The following NME5 variants were observed in gnomAD, a reference collection of about 807,000 sequenced individuals.
The protein encoded by NME5 is NME/NM23 family member 5, also known as nucleoside diphosphate kinase 5.
In NME5, 18 loss-of-function variants were observed where a neutral mutation model predicts 21.6. The observed-to-expected ratio is 0.83, with a 90% CI of 0.58 to 1.24. The LOEUF (loss-of-function observed/expected upper bound fraction) is 1.24. NME5 is among the 50% of genes most tolerant of loss of function. The pLI, the probability that NME5 is intolerant of heterozygous loss-of-function variation, is 0.00. For synonymous variants in NME5, 70 were observed against 80.6 expected (o/e 0.87, Z 0.71); for missense variants, 223 against 255.4 (o/e 0.87, Z 0.86).
At chr5:138,126,809 G>A (rs766115452) in intron 4 of NME5, among the ~76,000 whole-genome samples, 4 of 151,872 alleles carry the variant, frequency 2.6e-5, no homozygotes, top group African/African-American at 7.3e-5. Flanking sequence ...TTAGCCGGGC[G>A]TGGTGATATG....
intron 4 of NME5, 21 bp from the exon 5 acceptor site, chr5:138,118,957 T>C: frequency 1.5e-6 from 2 of 1,296,930 alleles, no homozygotes; most frequent in Non-Finnish European, 1.1e-6. Context: ...AAATGTATTC[T>C]CATTGATGCA....
In NME5 at chr5:138,139,383, C is replaced by T. The variant is rs1751820754; in HGVS notation, c.-18G>A. ...TCTAAGTACTCACCTCAGCGGCCGT[C>T]CTCATATGGTACAACTTGTTGCTAG... On this transcript the variant is annotated 5_prime_UTR_variant, in exon 1 of 6. Transcript: ENST00000265191. 1 of 985,636 alleles carries T rather than the reference C, an allele frequency of 1.0e-6. No individual in the cohort carries two copies. The highest frequency in any genetic ancestry group is 1.7e-5 in the African/African-American group (1 of 57,348). 61.1% of individuals were successfully genotyped at this position (985,636 alleles called of 1,614,324 possible). A position where few individuals can be genotyped will look rare whatever the true frequency, so the allele number is the denominator to read the frequency against.
chr5:138,128,917 A>G (rs1751494946), intron 3 of NME5, among the ~76,000 whole-genome samples: 1 of 152,144 alleles, frequency 6.6e-6, no homozygotes, highest in Non-Finnish European at 1.5e-5. Flanking sequence ...GAAAATTTGA[A>G]TTTCTGTTCC....
chr5:138,127,438 A>C, intron 4 of NME5: 1 of 971,708 alleles, frequency 1.0e-6, no homozygotes, highest in Non-Finnish European at 1.2e-6. Context: ...GGAACTTTTA[A>C]ATCTCCAAGA....
At chr5:138,129,071 A>G (rs1399057950) in intron 3 of NME5, among the ~76,000 whole-genome samples, 192 bp downstream of exon 3, 1 of 152,142 alleles carries the variant, frequency 6.6e-6, no homozygotes, top group Non-Finnish European at 1.5e-5. Flanking sequence ...AGGTAGTATT[A>G]AAATAGACAT....
chr5:138,136,662 T>C lies in NME5; in HGVS notation c.129+1990A>G, dbSNP rs566690350. Among the ~76,000 whole-genome samples, 47 of 152,082 alleles carry C rather than the reference T, an allele frequency of 3.1e-4. 1 individual carries two copies. The highest frequency in any genetic ancestry group is 3.0e-3 in the Admixed American group (46 of 15,288). Reference sequence around the variant, plus strand: ...TTTTAAATTAAAAAAATTTTTTTTTTCGAGAGTTTCGCTCTTGTTGCCCAG... The same window carrying C: ...TTTTAAATTAAAAAAATTTTTTTTTCCGAGAGTTTCGCTCTTGTTGCCCAG... On this transcript the variant is annotated intron_variant, in intron 2 of 5. Coordinates refer to ENST00000265191, the MANE Select transcript of NME5 (RefSeq NM_003551.3).
At chr5:138,129,522 C>T in intron 2 of NME5, 54 bp from the exon 3 acceptor site, 1 of 1,290,508 alleles carries the variant, frequency 7.7e-7, no homozygotes, top group South Asian at 1.2e-5. Context: ...TCAATGATAG[C>T]TCATTAAAAT....
intron 4 of NME5, among the ~76,000 whole-genome samples, chr5:138,123,603 C>G (rs1751334575): frequency 6.6e-6 from 1 of 152,122 alleles, no homozygotes. Flanking sequence ...TTTTCTTTAT[C>G]CATTAACCCA....
chr5:138,139,032 G>C (rs963926238), intron 1 of NME5: 25 of 293,026 alleles, frequency 8.5e-5, no homozygotes, highest in African/African-American at 5.2e-4. Context: ...AGGCAGGAAG[G>C]ACTATGGGCT....
In NME5 at chr5:138,138,685, A is replaced by G; in HGVS notation, c.96T>C (p.Asp32=). 1.2e-6 allele frequency: 2 copies of G among 1,612,898 alleles called. No individual in the cohort carries two copies. Among genetic ancestry groups the G allele is most frequent in the Non-Finnish European group, 1.7e-6 (2 of 1,179,552 alleles). ...DIVDKEEEIQ[D]IILRSGFTIV... is the part of the protein sequence containing the mutation. ...TGGTGAATCCGGATCTAAGAATAAT[A>G]TCTTGTATCTCCTCCTCTTTGTCAA... is the stretch of plus-strand genomic sequence containing the variant. Residue 32 remains aspartate (D), a synonymous_variant, in exon 2 of 6, where the codon GAT becomes GAC. Transcript: ENST00000265191.
In NME5 at chr5:138,139,398, C is replaced by T; in HGVS notation, c.-33G>A. 3 of 985,630 alleles carry T rather than the reference C, an allele frequency of 3.0e-6. No individual in the cohort carries two copies. Among genetic ancestry groups the T allele is most frequent in the Non-Finnish European group, 3.6e-6 (3 of 830,160 alleles). The allele number at this position is 985,630 out of a possible 1,614,324, so 61.1% of individuals were successfully genotyped here. A position where few individuals can be genotyped will look rare whatever the true frequency, so the allele number is the denominator to read the frequency against. ...CAGCGGCCGTCCTCATATGGTACAA[C>T]TTGTTGCTAGGAGACCTGAAGCCCC... is the stretch of plus-strand genomic sequence containing the variant. On this transcript the variant is annotated 5_prime_UTR_variant, in exon 1 of 6. Coordinates refer to ENST00000265191, the MANE Select transcript of NME5 (RefSeq NM_003551.3).
chr5:138,135,333 A>AT (rs1751673338), intron 2 of NME5, among the ~76,000 whole-genome samples: 1 of 148,534 alleles, frequency 6.7e-6, no homozygotes. Context: ...AAAAAAAAAA[A>AT]GGACTTTTTT....
At chr5:138,122,680 AT>A (rs70979582) in intron 4 of NME5, among the ~76,000 whole-genome samples, 122,547 of 131,562 alleles carry the variant, frequency 0.93, 57,132 homozygotes, top group East Asian at 0.99. Context: ...AATTTTTTTA[AT>A]TTTTTTTTTT....
chr5:138,123,940 C>T (rs538931850), intron 4 of NME5, among the ~76,000 whole-genome samples: 7 of 145,668 alleles, frequency 4.8e-5, no homozygotes, highest in Admixed American at 1.4e-4. Context: ...GATATCTCAC[C>T]GTGGTTTTGA....
At chr5:138,117,973 G>C (rs1751199983) in intron 5 of NME5, among the ~76,000 whole-genome samples, 2 of 151,822 alleles carry the variant, frequency 1.3e-5, no homozygotes, top group African/African-American at 4.8e-5. Context: ...AACAGAGTGA[G>C]ACTCCGTCTC....
chr5:138,135,027 G>C (rs1751663131), intron 2 of NME5, among the ~76,000 whole-genome samples: 1 of 148,212 alleles, frequency 6.7e-6, no homozygotes. Context: ...TTTAAAATAT[G>C]GACTTTTTTG....
At chr5:138,129,834 G>A (rs1285238878) in intron 2 of NME5, among the ~76,000 whole-genome samples, 1 of 152,166 alleles carries the variant, frequency 6.6e-6, no homozygotes, top group African/African-American at 2.4e-5. Context: ...GCATGCGCCT[G>A]TAGTCCCAGC....
chr5:138,138,609 G>T, intron 2 of NME5, 43 bp downstream of exon 2: 3 of 1,571,030 alleles, frequency 1.9e-6, no homozygotes, highest in African/African-American at 1.4e-5. Flanking sequence ...TTTTTTTAAG[G>T]GCAGAGAGGA....
intron 5 of NME5, 93 bp downstream of exon 5, chr5:138,118,725 G>T: frequency 1.4e-6 from 1 of 726,614 alleles, no homozygotes; most frequent in Non-Finnish European, 2.4e-6. Context: ...CCTCGGATCC[G>T]CCCGCCTTGG....
Sources: allele counts gnomAD v4.1 joint callset (sites outside exome capture counted in the v4.1 genomes callset), GRCh38; gene constraint gnomAD v4.1.1; transcripts MANE v1.5; gene names NCBI Gene and HGNC (gene_info 2026-07-23, HGNC 2026-07-21).